Variants in TMEM39B observed in about 807,000 individuals in gnomAD.
TMEM39B encodes transmembrane protein 39B.
TMEM39B carries 23 observed loss-of-function variants against 52.2 expected under a neutral mutation model. The observed-to-expected ratio is 0.44, with a 90% CI of 0.32 to 0.62. The LOEUF (loss-of-function observed/expected upper bound fraction) is 0.62. Ranked by LOEUF, TMEM39B falls within the 20% of genes least tolerant of loss-of-function variation. The probability of loss-of-function intolerance (pLI) is 0.06; values close to 1 mark genes in which losing one functional copy is unlikely to be tolerated. For missense variants in TMEM39B, 547 were observed against 642.0 expected, an observed-to-expected ratio of 0.85 and a Z score of 1.60; for synonymous variants, 285 against 264.0, an observed-to-expected ratio of 1.08 and a Z score of -0.77.
At chr1:32,095,029 C>A in intron 7 of TMEM39B, 58 bp downstream of exon 7, 2 of 1,563,778 alleles carry the variant, frequency 1.3e-6, no homozygotes, top group South Asian at 1.1e-5. Flanking sequence ...CATCTGGAGT[C>A]ACTTGTCCAC....
At chr1:32,081,457 T>G (rs1640098041) in intron 5 of TMEM39B, among the ~76,000 whole-genome samples, 1 of 151,842 alleles carries the variant, frequency 6.6e-6, no homozygotes, top group Non-Finnish European at 1.5e-5. Context: ...TTTTAAAAAT[T>G]TATTTATTGG....
At chr1:32,091,636 C>T (rs763860703) in intron 5 of TMEM39B, 39 bp from the exon 6 acceptor site, 16 of 1,549,210 alleles carry the variant, frequency 1.0e-5, no homozygotes, top group African/African-American at 5.4e-5. Flanking sequence ...GATCCTGGCC[C>T]ATGGGCAGGC....
upstream of TMEM39B, chr1:32,072,336 C>G (rs1259629026): frequency 6.8e-6 from 1 of 147,124 alleles, no homozygotes; most frequent in East Asian, 2.1e-4. Context: ...TCATTTAACC[C>G]TCACCGAAAC....
chr1:32,081,989 C>T (rs574154678), intron 5 of TMEM39B, among the ~76,000 whole-genome samples: 32 of 152,196 alleles, frequency 2.1e-4, no homozygotes, highest in African/African-American at 6.3e-4. Context: ...TATTGATTCC[C>T]TGCAATGACA....
In TMEM39B at chr1:32,102,633, C is replaced by G. The variant is rs1042453759; in HGVS notation, c.1439C>G (p.Ser480Cys). Residue 480 changes from serine to cysteine, a missense_variant, in exon 9 of 9, where the codon TCT becomes TGT. Transcript: ENST00000336294. ...GTATTGGGCAAGGCCTACTCATACTCTGCTAGCCCCCAGAGAGACCTGGAC... is the reference window on the plus strand; with the variant it reads ...GTATTGGGCAAGGCCTACTCATACTGTGCTAGCCCCCAGAGAGACCTGGAC... ...RLVLGKAYSY[S>C]ASPQRDLDHR... is the part of the protein sequence containing the mutation. 6.2e-7 allele frequency: 1 copy of G among 1,608,536 alleles called. No homozygotes were observed. The highest frequency in any genetic ancestry group is 1.3e-5 in the African/African-American group (1 of 74,836).
At chr1:32,078,790 A>G (rs999256634) in intron 5 of TMEM39B, among the ~76,000 whole-genome samples, 1 of 151,836 alleles carries the variant, frequency 6.6e-6, no homozygotes, top group Non-Finnish European at 1.5e-5. Context: ...ACAGGTGCCC[A>G]CCACCACGCC....
intron 7 of TMEM39B, among the ~76,000 whole-genome samples, chr1:32,097,148 A>G (rs1407575301): frequency 6.6e-6 from 1 of 152,016 alleles, no homozygotes; most frequent in Non-Finnish European, 1.5e-5. Flanking sequence ...TGATAAAGGT[A>G]TATATACTCA....
chr1:32,074,620 T>A (rs193284364), intron 1 of TMEM39B, among the ~76,000 whole-genome samples: 12 of 150,570 alleles, frequency 8.0e-5, no homozygotes, highest in Non-Finnish European at 1.6e-4. Flanking sequence ...GGAGAGAGAG[T>A]GATGGGGAGT....
At position 32,091,925 on chromosome 1, in the gene TMEM39B, G is replaced by C. The variant is rs779029049; in HGVS notation, c.841G>C (p.Asp281His). 1 of 1,614,204 alleles carries C rather than the reference G, an allele frequency of 6.2e-7. No homozygotes were observed. The highest frequency in any genetic ancestry group is 8.5e-7 in the Non-Finnish European group (1 of 1,180,030). ...IRSEVEFLKM[D>H]FNWRMKEVLV... is the part of the protein sequence containing the mutation. ...CAGTGAGGTGGAGTTCCTCAAGATG[G>C]ACTTCAACTGGCGCATGAAGGAAGT... is the stretch of plus-strand genomic sequence containing the variant. The change falls in exon 6 of 9, where the codon GAC (aspartate) becomes CAC (histidine). Residue 281 changes from aspartate (D) to histidine (H), a missense_variant. Transcript: ENST00000336294.
intron 5 of TMEM39B, 136 bp downstream of exon 5, chr1:32,077,454 ACACT>A (rs964294969): frequency 2.1e-5 from 23 of 1,119,400 alleles, no homozygotes; most frequent in South Asian, 1.8e-4. Context: ...TTGTCAGATG[ACACT>A]CACTCACTGA....
chr1:32,094,726 A>C (rs1418031286), intron 6 of TMEM39B, 58 bp from the exon 7 acceptor site: 1 of 1,587,480 alleles, frequency 6.3e-7, no homozygotes, highest in African/African-American at 1.3e-5. Flanking sequence ...TCAGGGAAGG[A>C]AAGGGAATGA....
At chr1:32,083,665 G>C (rs911795309) in intron 5 of TMEM39B, among the ~76,000 whole-genome samples, 1 of 149,666 alleles carries the variant, frequency 6.7e-6, no homozygotes, top group Non-Finnish European at 1.5e-5. Context: ...CTCGTGATCC[G>C]TCCATCTCAG....
intron 1 of TMEM39B, among the ~76,000 whole-genome samples, chr1:32,074,677 AG>A (rs1639777582): frequency 6.6e-6 from 1 of 151,910 alleles, no homozygotes; most frequent in Non-Finnish European, 1.5e-5. Context: ...CTTTCCAGAT[AG>A]GATATTATAA....
chr1:32,073,238 C>A, intron 1 of TMEM39B, 187 bp downstream of exon 1: 2 of 576,662 alleles, frequency 3.5e-6, no homozygotes, highest in Non-Finnish European at 5.0e-6. Context: ...GGGGGCGGGA[C>A]ATTGGACGGT....
chr1:32,074,593 A>G (rs963588095), intron 1 of TMEM39B, among the ~76,000 whole-genome samples: 4 of 152,186 alleles, frequency 2.6e-5, no homozygotes, highest in African/African-American at 9.7e-5. Flanking sequence ...TTCTGGTGGA[A>G]AAAAAGAATA....
intron 5 of TMEM39B, 116 bp downstream of exon 5, chr1:32,077,434 T>G: frequency 7.8e-7 from 1 of 1,290,018 alleles, no homozygotes; most frequent in East Asian, 2.4e-5. Context: ...GGCAGCAACA[T>G]CCTCTCACAT....
intron 5 of TMEM39B, among the ~76,000 whole-genome samples, chr1:32,078,149 C>A (rs894876902): frequency 3.9e-5 from 6 of 152,132 alleles, no homozygotes; most frequent in Admixed American, 3.3e-4. Flanking sequence ...GGCATGGGAG[C>A]CCTGTCACAC....
At position 32,074,976 on chromosome 1, in the gene TMEM39B, A is replaced by G. The variant is rs1214734388; in HGVS notation, c.30A>G (p.Thr10=). 2 of 1,551,552 alleles carry G rather than the reference A, an allele frequency of 1.3e-6. No individual in the cohort carries two copies. The highest frequency in any genetic ancestry group is 2.4e-5 in the East Asian group (1 of 40,922). Residue 10 remains threonine (T), a synonymous_variant, in exon 2 of 9, where the codon ACA becomes ACG. Transcript: ENST00000336294. MGGRRGPNR[T]SYCRNPLCEP... Reference sequence around the variant, plus strand: ...GAGGACGAAGAGGTCCCAACAGGACATCTTACTGTCGAAATCCGCTCTGTG... The same window carrying G: ...GAGGACGAAGAGGTCCCAACAGGACGTCTTACTGTCGAAATCCGCTCTGTG...
At position 32,102,845 on chromosome 1, in the gene TMEM39B, C is replaced by T. The variant is rs577852160; in HGVS notation, c.*172C>T. 8 of 744,556 alleles carry T rather than the reference C, an allele frequency of 1.1e-5. No individual in the cohort carries two copies. In the South Asian group the frequency reaches 1.1e-4, roughly 10 times the overall value. 46.1% of individuals were successfully genotyped at this position (744,556 alleles called of 1,614,324 possible). On this transcript the variant is annotated 3_prime_UTR_variant, in exon 9 of 9. Coordinates refer to ENST00000336294, the MANE Select transcript of TMEM39B (RefSeq NM_018056.4). ...TAATTGATGTGATAAGGAAAAAAGT[C>T]CTATTTTTATACTCCCAACAAGCCT...
Sources: gnomAD v4.1 joint callset for allele counts (sites outside exome capture counted in the v4.1 genomes callset) on GRCh38, gnomAD v4.1.1 for gene constraint, MANE v1.5 for transcripts, NCBI Gene and HGNC (gene_info 2026-07-23, HGNC 2026-07-21) for gene names.